Variants in ETS2 observed in about 807,000 individuals in gnomAD.
The protein encoded by ETS2 is protein C-ets-2.
A neutral mutation model predicts 54.9 loss-of-function variants in ETS2; 19 were observed. That is an observed-to-expected ratio of 0.35 (90% CI 0.24 to 0.51). ETS2 has a LOEUF of 0.51. Among genes scored for constraint, ETS2 ranks in the 20% least tolerant of loss-of-function variants. The pLI, the probability that ETS2 is intolerant of heterozygous loss-of-function variation, is 0.97. For synonymous variants in ETS2, 219 were observed against 229.3 expected, an observed-to-expected ratio of 0.95 and a Z score of 0.41; for missense variants, 417 against 593.0, an observed-to-expected ratio of 0.70 and a Z score of 3.08.
At position 38,821,087 on chromosome 21, in the gene ETS2, C is replaced by T. The variant is rs1297469088; in HGVS notation, c.1076-499C>T. Among the ~76,000 whole-genome samples, 1 of 152,178 alleles carries T rather than the reference C, an allele frequency of 6.6e-6. No individual in the cohort carries two copies. Among genetic ancestry groups the T allele is most frequent in the African/African-American group, 2.4e-5 (1 of 41,444 alleles). On this transcript the variant is annotated intron_variant, in intron 8 of 9. Transcript: ENST00000360938. This position sits in a 1 kb window ranked among gnomAD's most constrained non-coding sequence, Gnocchi z 4.2. ...TTGAGTAAACCGGGCTCACATTAAG[C>T]AATTTACACATGGTCATTTGGCAGG...
At position 38,824,254 on chromosome 21, in the gene ETS2, G is replaced by T. The variant is rs1340028634; in HGVS notation, c.*1365G>T. The T allele has an allele frequency of 3.9e-5, 6 of 152,456 alleles. No individual in the cohort carries two copies. The highest frequency in any genetic ancestry group is 6.5e-5 in the Admixed American group (1 of 15,288). The allele number at this position is 152,456 out of a possible 1,614,324, so 9.4% of individuals were successfully genotyped here. On this transcript the variant is annotated 3_prime_UTR_variant, in exon 10 of 10. Coordinates refer to ENST00000360938, the MANE Select transcript of ETS2 (RefSeq NM_005239.6). ...TGCTCCTTTTTGCTCAGTGTCCACA[G>T]CAAGATGACGTGATTCTTATTTTCT...
Position 38,814,406 on chromosome 21 carries a change from TC to T in ETS2, c.304+16del. The stretch of plus-strand genomic sequence containing the variant: ...GCATTCCAAAGAGTAAGTACTGCTT[TC>T]CTGAGCCTGCACTGGGTGAGAAGAA... On this transcript the variant is annotated intron_variant, in intron 4 of 9. Coordinates refer to ENST00000360938, the MANE Select transcript of ETS2 (RefSeq NM_005239.6). The surrounding 1 kb of genome is among the most constrained non-coding windows in gnomAD (Gnocchi z 4.2). The T allele has an allele frequency of 6.2e-7, 1 of 1,613,814 alleles. No homozygotes were observed.
At chr21:38,817,229 A>G in intron 6 of ETS2, 138 bp downstream of exon 6, 1 of 591,772 alleles carries the variant, frequency 1.7e-6, no homozygotes, top group South Asian at 2.3e-5. Context: ...GTGTTGAGCT[A>G]TAAGCCATTG....
chr21:38,805,516 G>A (rs1167947007), upstream of ETS2: 2 of 1,287,330 alleles, frequency 1.6e-6, no homozygotes, highest in Admixed American at 2.3e-5. This position sits in a 1 kb window ranked among gnomAD's most constrained non-coding sequence, Gnocchi z 5.2. Flanking sequence ...CGGCTCCCAG[G>A]GCGCACACTC....
upstream of ETS2, chr21:38,805,672 T>C (rs1234552080): frequency 6.7e-6 from 8 of 1,187,010 alleles, no homozygotes; most frequent in Non-Finnish European, 8.5e-6. The surrounding 1 kb of genome is among the most constrained non-coding windows in gnomAD (Gnocchi z 5.2). Context: ...TCCGCCCTCC[T>C]CTTCTCTCCC....
Position 38,818,506 on chromosome 21 carries a change from C to T in ETS2, c.671C>T (p.Ala224Val). 1.2e-6 allele frequency: 2 copies of T among 1,614,168 alleles called. No individual in the cohort carries two copies. The highest frequency in any genetic ancestry group is 1.7e-6 in the Non-Finnish European group (2 of 1,180,024). The change falls in exon 7 of 10, where the codon GCC becomes GTC. Residue 224 changes from alanine to valine, a missense_variant. Physicochemically the swap from Ala to Val is moderately conservative, Grantham distance 64. Coordinates refer to ENST00000360938, the MANE Select transcript of ETS2 (RefSeq NM_005239.6). ...GGCCTCCTGGACAGCATGTGTCCGG[C>T]CTCCACACCCAGCGTACTCAGCTCT... is the stretch of plus-strand genomic sequence containing the variant. ...KGGLLDSMCP[A>V]STPSVLSSEQ...
upstream of ETS2, chr21:38,805,430 G>C (rs1365442061): frequency 1.6e-6 from 2 of 1,288,510 alleles, no homozygotes; most frequent in Admixed American, 2.3e-5. This position sits in a 1 kb window ranked among gnomAD's most constrained non-coding sequence, Gnocchi z 5.2. Flanking sequence ...CGTCGCTGCG[G>C]AATTCCAAAG....
At chr21:38,818,284 C>A (rs2060943120) in intron 6 of ETS2, 141 bp from the exon 7 acceptor site, 1 of 1,084,082 alleles carries the variant, frequency 9.2e-7, no homozygotes, top group Non-Finnish European at 1.3e-6. Context: ...GGTGACAGAC[C>A]CCCACCAAAG....
Position 38,823,120 on chromosome 21 carries a change from C to A in ETS2, c.*231C>A. On this transcript the variant is annotated 3_prime_UTR_variant, in exon 10 of 10. Coordinates refer to ENST00000360938, the MANE Select transcript of ETS2 (RefSeq NM_005239.6). ...CACAGTGCTTTTAAGTGAAAATGGT[C>A]GAGAAAGAGGCACCAGGAAGCCGTC... 1.0e-5 allele frequency: 4 copies of A among 381,164 alleles called. No homozygotes were observed. Among genetic ancestry groups the A allele is most frequent in the Non-Finnish European group, 1.9e-5 (4 of 214,640 alleles). The allele number at this position is 381,164 out of a possible 1,614,324, so 23.6% of individuals were successfully genotyped here. A position where few individuals can be genotyped will look rare whatever the true frequency, so the allele number is the denominator to read the frequency against.
chr21:38,815,837 G>A (rs976227387), intron 5 of ETS2, among the ~76,000 whole-genome samples: 16 of 150,240 alleles, frequency 1.1e-4, no homozygotes, highest in Non-Finnish European at 2.2e-4. Flanking sequence ...ATACTCGGAA[G>A]CCTGAGGCAG....
chr21:38,817,864 T>G (rs940856408), intron 6 of ETS2, among the ~76,000 whole-genome samples: 2 of 152,212 alleles, frequency 1.3e-5, no homozygotes, highest in Admixed American at 6.5e-5. Context: ...GGGGGCTTCC[T>G]GCTCAGGAGG....
upstream of ETS2, chr21:38,805,348 T>A (rs1259283551): frequency 3.9e-6 from 5 of 1,288,722 alleles, no homozygotes; most frequent in African/African-American, 7.6e-5. The surrounding 1 kb of genome is among the most constrained non-coding windows in gnomAD (Gnocchi z 5.2). Flanking sequence ...GGTTCAAGAA[T>A]GGGGTCGGCT....
Position 38,814,977 on chromosome 21 carries a change from C to A in ETS2, c.501C>A (p.Ile167=). 2 of 1,613,908 alleles carry A rather than the reference C, an allele frequency of 1.2e-6. No individual in the cohort carries two copies. Among genetic ancestry groups the A allele is most frequent in the South Asian group, 2.2e-5 (2 of 91,032 alleles). The change falls in exon 5 of 10, where the codon ATC becomes ATA. Residue 167 remains isoleucine, a synonymous_variant. Coordinates refer to ENST00000360938, the MANE Select transcript of ETS2 (RefSeq NM_005239.6). The surrounding 1 kb of genome is among the most constrained non-coding windows in gnomAD (Gnocchi z 4.2). The stretch of plus-strand genomic sequence containing the variant: ...TCTGGGAACATCTGGAGCAAATGAT[C>A]AAAGGTACCAGCTGAACGTCTTACT... ...DILWEHLEQM[I]KENQEKTEDQ... is the part of the protein sequence containing the mutation.
Position 38,808,590 on chromosome 21 carries a change from A to G in ETS2, c.1-1445A>G, listed in dbSNP as rs80218977. Reference sequence around the variant, plus strand: ...TTTTAGCCAAGAGGGGTGTGTGTGTATGTGTGTGTGTGTGTGTGTGTGTGT... The same window carrying G: ...TTTTAGCCAAGAGGGGTGTGTGTGTGTGTGTGTGTGTGTGTGTGTGTGTGT... On this transcript the variant is annotated intron_variant, in intron 1 of 9. Coordinates refer to ENST00000360938, the MANE Select transcript of ETS2 (RefSeq NM_005239.6). 1.6e-3 allele frequency among the ~76,000 whole-genome samples: 237 copies of G among 148,326 alleles called. 3 individuals are homozygous for G. The highest frequency in any genetic ancestry group is 4.9e-3 in the African/African-American group (195 of 40,024).
intron 7 of ETS2, among the ~76,000 whole-genome samples, chr21:38,819,220 T>G (rs1016375630): frequency 6.6e-6 from 1 of 152,264 alleles, no homozygotes; most frequent in African/African-American, 2.4e-5. Flanking sequence ...TGTCTGGGAT[T>G]CATGCATGTT....
chr21:38,820,677 G>C lies in ETS2; in HGVS notation c.1076-909G>C, dbSNP rs575162543. Among the ~76,000 whole-genome samples, 5 of 152,348 alleles carry C rather than the reference G, an allele frequency of 3.3e-5. No individual in the cohort carries two copies. In the East Asian group the frequency reaches 9.6e-4, roughly 29 times the overall value. On this transcript the variant is annotated intron_variant, in intron 8 of 9. Transcript: ENST00000360938. ...GTGGTATGAGGCCATTTTACAGATGGGGAAATTGGCTCACAGGCAGACAGC... is the reference window on the plus strand; with the variant it reads ...GTGGTATGAGGCCATTTTACAGATGCGGAAATTGGCTCACAGGCAGACAGC...
intron 8 of ETS2, among the ~76,000 whole-genome samples, chr21:38,820,019 T>G (rs2060951600): frequency 6.6e-6 from 1 of 152,226 alleles, no homozygotes; most frequent in Non-Finnish European, 1.5e-5. Flanking sequence ...CCTGGGACGT[T>G]CTGAGGAATA....
In ETS2 at chr21:38,821,698, C is replaced by G; in HGVS notation, c.1188C>G (p.Pro396=). 3 of 1,608,636 alleles carry G rather than the reference C, an allele frequency of 1.9e-6. No individual in the cohort carries two copies. The highest frequency in any genetic ancestry group is 1.7e-6 in the Non-Finnish European group (2 of 1,175,054). The part of the protein sequence containing the change: ...GDGWEFKLAD[P]DEVARRWGKR... Reference sequence around the variant, plus strand: ...GATGGGAGTTTAAGCTCGCCGACCCCGATGAGGTATGGCCAGAGCCCTGGG... The same window carrying G: ...GATGGGAGTTTAAGCTCGCCGACCCGGATGAGGTATGGCCAGAGCCCTGGG... The change falls in exon 9 of 10, where the codon CCC becomes CCG. Residue 396 remains proline, a synonymous_variant. Coordinates refer to ENST00000360938, the MANE Select transcript of ETS2 (RefSeq NM_005239.6). This position sits in a 1 kb window ranked among gnomAD's most constrained non-coding sequence, Gnocchi z 4.2.
Position 38,822,854 on chromosome 21 carries a change from G to A in ETS2, c.1375G>A (p.Ala459Thr), listed in dbSNP as rs1442441699. Residue 459 changes from alanine to threonine, a missense_variant, in exon 10 of 10, where the codon GCC (alanine) becomes ACC (threonine). Transcript: ENST00000360938. ...GGGGTTCACGCCCGAGGAACTGCAC[G>A]CCATCCTGGGCGTCCAGCCCGACAC... ...LLGFTPEELH[A>T]ILGVQPDTED 10 of 1,599,836 alleles carry A rather than the reference G, an allele frequency of 6.3e-6. No homozygotes were observed. The highest frequency in any genetic ancestry group is 4.0e-5 in the African/African-American group (3 of 74,622).
Sources: gnomAD v4.1 joint callset for allele counts (sites outside exome capture counted in the v4.1 genomes callset) on GRCh38, gnomAD v4.1.1 for gene constraint, Gnocchi (gnomAD v3.1) non-coding constraint, MANE v1.5 for transcripts, NCBI Gene and HGNC (gene_info 2026-07-23, HGNC 2026-07-21) for gene names.